Variants in GNB4 observed in about 807,000 individuals in gnomAD.
GNB4 encodes G protein subunit beta 4.
GNB4 carries 28 observed loss-of-function variants against 45.2 expected under a neutral mutation model. The ratio of observed to expected loss-of-function variants is 0.62; its 90% CI spans 0.46 to 0.85. The LOEUF (loss-of-function observed/expected upper bound fraction) is 0.85, where lower values mean the gene tolerates loss of function less well. GNB4 is among the 40% of genes least tolerant of loss of function. GNB4 has a pLI of 0.00. For synonymous variants in GNB4, 132 were observed against 143.7 expected (o/e 0.92, Z 0.58); for missense variants, 321 against 425.4 (o/e 0.75, Z 2.16).
the GNB4 span, among the ~76,000 whole-genome samples, chr3:179,463,675 G>A: frequency 1.3e-5 from 2 of 152,204 alleles, no homozygotes; most frequent in Non-Finnish European, 2.9e-5. Flanking sequence ...AAGATAGTAT[G>A]CTATTATAAA....
At chr3:179,473,130 T>C in the GNB4 span, among the ~76,000 whole-genome samples, 1 of 152,024 alleles carries the variant, frequency 6.6e-6, no homozygotes, top group African/African-American at 2.4e-5. Context: ...GCCACTGCAC[T>C]CCAGCCTGGG....
the GNB4 span, among the ~76,000 whole-genome samples, chr3:179,491,198 G>A: frequency 3.1e-3 from 470 of 152,274 alleles, 2 homozygotes; most frequent in African/African-American, 0.01. Flanking sequence ...ATAAGAAAAG[G>A]TTCCTGTGCT....
chr3:179,440,640 T>C (rs552052828), intron 1 of GNB4, among the ~76,000 whole-genome samples: 70 of 152,214 alleles, frequency 4.6e-4, no homozygotes, highest in African/African-American at 1.6e-3. Flanking sequence ...AATGGATCCA[T>C]TTGGGGTGAA....
chr3:179,456,486 A>G, the GNB4 span, among the ~76,000 whole-genome samples: 1 of 152,184 alleles, frequency 6.6e-6, no homozygotes, highest in Non-Finnish European at 1.5e-5. Flanking sequence ...ATTTACGCTA[A>G]TATGTTCTGT....
intron 8 of GNB4, among the ~76,000 whole-genome samples, chr3:179,408,557 G>A (rs1482430475): frequency 6.6e-6 from 1 of 152,040 alleles, no homozygotes; most frequent in Non-Finnish European, 1.5e-5. Flanking sequence ...TTGGGAGGCC[G>A]AGGCAGACAG....
Position 179,397,483 on chromosome 3 carries a change from TTAC to T in GNB4, c.*3727_*3729del, listed in dbSNP as rs1410693670. 6.6e-6 allele frequency: 1 copy of T among 152,286 alleles called. No homozygotes were observed. The highest frequency in any genetic ancestry group is 1.5e-5 in the Non-Finnish European group (1 of 68,034). 9.4% of individuals were successfully genotyped at this position (152,286 alleles called of 1,614,324 possible). The stretch of plus-strand genomic sequence containing the variant: ...CATCCATTATTTCCAGGAGACTAGT[TTAC>T]TACTATCATGCAATCGCTGAGGTCA... On this transcript the variant is annotated 3_prime_UTR_variant, in exon 10 of 10. Coordinates refer to ENST00000232564, the MANE Select transcript of GNB4 (RefSeq NM_021629.4).
chr3:179,464,633 A>T, the GNB4 span: 11 of 1,174,760 alleles, frequency 9.4e-6, no homozygotes, highest in South Asian at 1.2e-4. Flanking sequence ...CAGATGTGGG[A>T]ATCAACAGTG....
chr3:179,525,982 GACC>G, the GNB4 span, among the ~76,000 whole-genome samples: 1 of 152,204 alleles, frequency 6.6e-6, no homozygotes, highest in Non-Finnish European at 1.5e-5. Flanking sequence ...TGTGTGAAGA[GACC>G]ACCAACAGGC....
At chr3:179,439,426 C>T (rs1286129218) in intron 1 of GNB4, among the ~76,000 whole-genome samples, 1 of 152,168 alleles carries the variant, frequency 6.6e-6, no homozygotes, top group Admixed American at 6.5e-5. Flanking sequence ...TGCAAACCTG[C>T]CTCCCATTAT....
Position 179,408,055 on chromosome 3 carries a change from T to C in GNB4, c.700-2649A>G, listed in dbSNP as rs899110435. Among the ~76,000 whole-genome samples the C allele has an allele frequency of 2.0e-5, 3 of 152,216 alleles. No homozygotes were observed. The East Asian group carries it at 5.8e-4, about 29-fold the overall frequency. On this transcript the variant is annotated intron_variant, in intron 8 of 9. Transcript: ENST00000232564. ...TAACTTAACTTGGCCAGTCTGATTTTAGCTATGCCCCAGAGCAAATCTAAA... is the reference window on the plus strand; with the variant it reads ...TAACTTAACTTGGCCAGTCTGATTTCAGCTATGCCCCAGAGCAAATCTAAA...
the GNB4 span, among the ~76,000 whole-genome samples, chr3:179,500,134 G>A: frequency 1.3e-5 from 2 of 152,180 alleles, no homozygotes. Context: ...TGCTTTTGGT[G>A]TTTTAGTCAT....
intron 1 of GNB4, among the ~76,000 whole-genome samples, chr3:179,427,870 CTCT>C (rs1305575321): frequency 6.6e-6 from 1 of 152,108 alleles, no homozygotes; most frequent in Non-Finnish European, 1.5e-5. Context: ...GGTCTCTTTT[CTCT>C]TCTTATCTTC....
chr3:179,441,454 C>A (rs1261988680), intron 1 of GNB4, among the ~76,000 whole-genome samples: 1 of 152,052 alleles, frequency 6.6e-6, no homozygotes, highest in Non-Finnish European at 1.5e-5. Flanking sequence ...CATGGTAAAG[C>A]CAGGCATGGT....
the GNB4 span, among the ~76,000 whole-genome samples, chr3:179,475,425 C>T: frequency 3.3e-5 from 5 of 149,284 alleles, no homozygotes; most frequent in East Asian, 2.1e-4. Flanking sequence ...GGCCCAAACT[C>T]GCTTTTTTAT....
Position 179,430,375 on chromosome 3 carries a change from T to C in GNB4, c.-42-4133A>G, listed in dbSNP as rs549136233. 2.8e-4 allele frequency among the ~76,000 whole-genome samples: 42 copies of C among 152,180 alleles called. No homozygotes were observed. In the South Asian group the frequency reaches 8.5e-3, roughly 31 times the overall value. ...AAAGTGCTGGGATTATAGGCATAAG[T>C]CACTGTACCTGGCCCTTCCTTTCTC... On this transcript the variant is annotated intron_variant, in intron 1 of 9. Coordinates refer to ENST00000232564, the MANE Select transcript of GNB4 (RefSeq NM_021629.4).
At chr3:179,415,657 C>A (rs150208747) in intron 5 of GNB4, among the ~76,000 whole-genome samples, 2 of 152,230 alleles carry the variant, frequency 1.3e-5, no homozygotes, top group African/African-American at 2.4e-5. Flanking sequence ...TATGAGAATA[C>A]CACGGCTAAA....
At chr3:179,515,280 T>C in the GNB4 span, among the ~76,000 whole-genome samples, 1 of 152,240 alleles carries the variant, frequency 6.6e-6, no homozygotes, top group Non-Finnish European at 1.5e-5. Flanking sequence ...TTACTATTAT[T>C]ACCCCATTTT....
intron 1 of GNB4, among the ~76,000 whole-genome samples, chr3:179,437,514 G>A (rs1030565373): frequency 6.6e-6 from 1 of 151,608 alleles, no homozygotes; most frequent in Non-Finnish European, 1.5e-5. Flanking sequence ...GCAGTGAGCG[G>A]AAGATTGCAC....
Position 179,396,516 on chromosome 3 carries a change from C to G in GNB4, c.*4697G>C, listed in dbSNP as rs1168506431. On this transcript the variant is annotated 3_prime_UTR_variant, in exon 10 of 10. Transcript: ENST00000232564. Reference sequence around the variant, plus strand: ...AAGACAAAAGGCTTGAGATATCTACCAAGTATATCACTGAAGTTCTATTAA... The same window carrying G: ...AAGACAAAAGGCTTGAGATATCTACGAAGTATATCACTGAAGTTCTATTAA... 1 of 152,102 alleles carries G rather than the reference C, an allele frequency of 6.6e-6. No homozygotes were observed. The highest frequency in any genetic ancestry group is 2.4e-5 in the African/African-American group (1 of 41,378). The allele number at this position is 152,102 out of a possible 1,614,324, so 9.4% of individuals were successfully genotyped here.
Sources: allele counts gnomAD v4.1 joint callset (sites outside exome capture counted in the v4.1 genomes callset), GRCh38; gene constraint gnomAD v4.1.1; transcripts MANE v1.5; gene names NCBI Gene and HGNC (gene_info 2026-07-23, HGNC 2026-07-21).